Variants in SRGAP3 observed in about 807,000 individuals in gnomAD.
SRGAP3 encodes the protein SLIT-ROBO Rho GTPase activating protein 3, also known as SLIT-ROBO Rho GTPase-activating protein 3.
A neutral mutation model predicts 121.1 loss-of-function variants in SRGAP3; 39 were observed. The ratio of observed to expected loss-of-function variants is 0.32; its 90% CI spans 0.25 to 0.42. The LOEUF (loss-of-function observed/expected upper bound fraction) is 0.42. Among genes scored for constraint, SRGAP3 ranks in the 10% least tolerant of loss-of-function variants. SRGAP3 has a pLI of 1.00. For synonymous variants in SRGAP3, 601 were observed against 570.0 expected, an observed-to-expected ratio of 1.05 and a Z score of -0.77; for missense variants, 1,213 against 1,470.6, an observed-to-expected ratio of 0.82 and a Z score of 2.86.
At chr3:9,022,762 G>T (rs1343582748) in intron 14 of SRGAP3, among the ~76,000 whole-genome samples, 2 of 152,228 alleles carry the variant, frequency 1.3e-5, no homozygotes, top group Non-Finnish European at 2.9e-5. Context: ...GGAGCAGAAG[G>T]ACCAGGCTGG....
Position 9,249,374 on chromosome 3 carries a change from A to G in SRGAP3, c.-423T>C. 2.9e-6 allele frequency: 1 copy of G among 339,194 alleles called. No homozygotes were observed. The highest frequency in any genetic ancestry group is 5.5e-6 in the Non-Finnish European group (1 of 181,324). 21.0% of individuals were successfully genotyped at this position (339,194 alleles called of 1,614,324 possible). Reference sequence around the variant, plus strand: ...TTGTGCTGTGCACACAGGCATACACACACACACCCTCACACGCACACACAC... The same window carrying G: ...TTGTGCTGTGCACACAGGCATACACGCACACACCCTCACACGCACACACAC... On this transcript the variant is annotated 5_prime_UTR_variant, in exon 1 of 22. Transcript: ENST00000383836.
chr3:9,193,665 G>A (rs765021064), intron 1 of SRGAP3: 2 of 152,334 alleles, frequency 1.3e-5, no homozygotes, highest in Non-Finnish European at 2.9e-5. Flanking sequence ...CAAAGGCTCT[G>A]GGGGCTGCAC....
At chr3:9,330,042 C>T (rs546435896) in intron 2 of SRGAP3, among the ~76,000 whole-genome samples, 9 of 152,320 alleles carry the variant, frequency 5.9e-5, no homozygotes, top group Non-Finnish European at 1.2e-4. Context: ...TAAGACTTCG[C>T]TGCCTCCCAG....
intron 1 of SRGAP3, chr3:9,236,229 T>C (rs936404809): frequency 5.6e-6 from 1 of 177,500 alleles, no homozygotes; most frequent in Admixed American, 6.3e-5. Flanking sequence ...TCCTTCAAAA[T>C]CCTGCTTAAA....
upstream of SRGAP3, among the ~76,000 whole-genome samples, chr3:9,252,299 C>CT (rs967230855): frequency 5.3e-5 from 8 of 150,648 alleles, no homozygotes; most frequent in African/African-American, 9.8e-5. Context: ...CCAAATAAAA[C>CT]TTTTTTTTTT....
Position 9,032,719 on chromosome 3 carries a change from C to A in SRGAP3, c.1470G>T (p.Met490Ile), listed in dbSNP as rs1333216544. The A allele has an allele frequency of 1.9e-6, 3 of 1,612,654 alleles. No individual in the cohort carries two copies. The highest frequency in any genetic ancestry group is 2.2e-5 in the South Asian group (2 of 91,004). The part of the protein sequence containing the change: ...PPCLPPKPQK[M>I]RRPRPLSVYS... ...ACACTGAGAGAGGCCTAGGTCTCCT[C>A]ATTTTCTGTGGTTTAGGGGGAAGAC... Residue 490 changes from methionine to isoleucine, a missense_variant, in exon 12 of 22, where the codon ATG becomes ATT. This residue lies in a region of SRGAP3 where 793 missense variants were observed against 1,032.9 expected (regional missense o/e 0.77). Transcript: ENST00000383836.
intron 14 of SRGAP3, among the ~76,000 whole-genome samples, chr3:9,024,457 C>T (rs1333118135): frequency 6.6e-6 from 1 of 152,172 alleles, no homozygotes; most frequent in Admixed American, 6.5e-5. Flanking sequence ...GTGAGATAAG[C>T]ACTGAATATT....
rs1377964528 is a variant in SRGAP3, at chr3:9,032,660, G to A, written c.1529C>T (p.Ala510Val). 6.8e-6 allele frequency: 11 copies of A among 1,613,434 alleles called. No individual in the cohort carries two copies. The highest frequency in any genetic ancestry group is 8.5e-6 in the Non-Finnish European group (10 of 1,179,754). ...CTCCCCAGCAAGTACCTTAATGAAT[G>A]CTTCCATACTGCCGTTAAAGAGTTT... is the stretch of plus-strand genomic sequence containing the variant. Reference protein sequence around the residue: ...SHKLFNGSMEAFIKDSGQAIP... With the variant: ...SHKLFNGSMEVFIKDSGQAIP... Residue 510 changes from alanine (A) to valine (V), a missense_variant, in exon 12 of 22, where the codon GCA becomes GTA. Physicochemically the swap from Ala to Val is moderately conservative, Grantham distance 64 (BLOSUM62 0). Coordinates refer to ENST00000383836, the MANE Select transcript of SRGAP3 (RefSeq NM_014850.4).
At chr3:9,131,705 G>C (rs924775046) in intron 1 of SRGAP3, among the ~76,000 whole-genome samples, 11 of 152,156 alleles carry the variant, frequency 7.2e-5, no homozygotes, top group Non-Finnish European at 1.5e-4. Context: ...GCCTCCCAAA[G>C]TGCTGGGATT....
At chr3:9,251,748 A>G (rs1954024235), upstream of SRGAP3, among the ~76,000 whole-genome samples, 1 of 152,170 alleles carries the variant, frequency 6.6e-6, no homozygotes, top group African/African-American at 2.4e-5. Flanking sequence ...ATACAAAACC[A>G]AGGCCAAAGA....
At chr3:9,224,979 A>C (rs540866771) in intron 1 of SRGAP3, among the ~76,000 whole-genome samples, 259 of 152,342 alleles carry the variant, frequency 1.7e-3, no homozygotes, top group Non-Finnish European at 3.4e-3. Context: ...GTCTACAGGC[A>C]GGCCTCACTC....
intron 1 of SRGAP3, among the ~76,000 whole-genome samples, chr3:9,357,228 G>C (rs748513856): frequency 5.9e-5 from 9 of 152,168 alleles, no homozygotes; most frequent in Non-Finnish European, 1.3e-4. Context: ...CTGGGCAACA[G>C]AGTGAGACCT....
At chr3:9,020,000 C>T (rs534518739) in intron 14 of SRGAP3, among the ~76,000 whole-genome samples, 1 of 152,344 alleles carries the variant, frequency 6.6e-6, no homozygotes, top group African/African-American at 2.4e-5. Flanking sequence ...AAGTGAGAAG[C>T]ACATTTGTAC....
chr3:9,066,065 C>CTGGT (rs1476227892), intron 4 of SRGAP3, among the ~76,000 whole-genome samples: 1 of 152,108 alleles, frequency 6.6e-6, no homozygotes, highest in African/African-American at 2.4e-5. Flanking sequence ...TCCCAAAGTG[C>CTGGT]TGGTATTATA....
intron 18 of SRGAP3, 37 bp from the exon 19 acceptor site, chr3:8,994,560 C>G: frequency 6.2e-7 from 1 of 1,607,152 alleles, no homozygotes; most frequent in African/African-American, 1.3e-5. Flanking sequence ...TCTCTGAGGT[C>G]AGCAAAGTGG....
intron 1 of SRGAP3, among the ~76,000 whole-genome samples, chr3:9,248,121 C>T (rs1341074144): frequency 6.6e-6 from 1 of 152,246 alleles, no homozygotes; most frequent in East Asian, 1.9e-4. Flanking sequence ...CGGCAGGCTT[C>T]TCCTGGAACC....
At chr3:9,045,601 G>A (rs557890301) in intron 10 of SRGAP3, among the ~76,000 whole-genome samples, 134 of 152,102 alleles carry the variant, frequency 8.8e-4, no homozygotes, top group African/African-American at 3.2e-3. Context: ...AAGCCCCCCC[G>A]GAGAATGGCG....
chr3:9,094,355 A>G (rs1379361535), intron 3 of SRGAP3, among the ~76,000 whole-genome samples: 1 of 152,170 alleles, frequency 6.6e-6, no homozygotes, highest in Non-Finnish European at 1.5e-5. Flanking sequence ...CCCACAACCT[A>G]TTTAACCATT....
chr3:9,003,844 A>G (rs966228886), intron 18 of SRGAP3, among the ~76,000 whole-genome samples: 1 of 152,342 alleles, frequency 6.6e-6, no homozygotes, highest in African/African-American at 2.4e-5. Context: ...CAGGACTTAG[A>G]CAAGGATGTT....
Sources: allele counts gnomAD v4.1 joint callset (sites outside exome capture counted in the v4.1 genomes callset), GRCh38; gene constraint gnomAD v4.1.1; regional missense constraint gnomAD v4.1.1; transcripts MANE v1.5; gene names NCBI Gene and HGNC (gene_info 2026-07-23, HGNC 2026-07-21).